Variants in DCC observed in about 807,000 individuals in gnomAD.
The protein encoded by DCC is netrin receptor DCC.
Under a neutral mutation model 172.5 loss-of-function variants are expected in DCC, and 58 were observed. The observed-to-expected ratio is 0.34, with a 90% CI of 0.27 to 0.42. The LOEUF (loss-of-function observed/expected upper bound fraction) is 0.42. Among genes scored for constraint, DCC ranks in the 10% least tolerant of loss-of-function variants. DCC has a pLI of 1.00. For synonymous variants in DCC, 709 were observed against 644.5 expected, an observed-to-expected ratio of 1.10 and a Z score of -1.52; for missense variants, 1,740 against 1,791.0, an observed-to-expected ratio of 0.97 and a Z score of 0.51.
At chr18:53,171,371 G>A (rs2055011006) in intron 8 of DCC, among the ~76,000 whole-genome samples, 1 of 152,150 alleles carries the variant, frequency 6.6e-6, no homozygotes, top group Non-Finnish European at 1.5e-5. Flanking sequence ...AGTTGTCTTG[G>A]AGGTGTATTT....
chr18:53,499,343 C>T lies in DCC; in HGVS notation c.3944C>T (p.Pro1315Leu), dbSNP rs551710856. The T allele has an allele frequency of 2.5e-6, 4 of 1,614,094 alleles. No individual in the cohort carries two copies. Among genetic ancestry groups the T allele is most frequent in the Non-Finnish European group, 8.5e-7 (1 of 1,180,012 alleles). The change falls in exon 27 of 29, where the codon CCA (proline) becomes CTA (leucine). Residue 1315 changes from proline (P) to leucine (L), a missense_variant. Pro to Leu is a moderately conservative substitution (Grantham distance 98). Transcript: ENST00000442544. ...ACCCAACAACCACCTATGCTGCCCC[C>T]ATCTCAGCCTGAGCATTCTAGCAGC... is the stretch of plus-strand genomic sequence containing the variant. ...PTTQQPPMLP[P>L]SQPEHSSSEE...
rs1412983616 is a variant in DCC, at chr18:53,035,115, G to A, written c.986-28190G>A. 1.6e-4 allele frequency among the ~76,000 whole-genome samples: 25 copies of A among 151,870 alleles called. 1 individual carries two copies. The highest frequency in any genetic ancestry group is 7.4e-5 in the Non-Finnish European group (5 of 67,954). On this transcript the variant is annotated intron_variant, in intron 5 of 28. Coordinates refer to ENST00000442544, the MANE Select transcript of DCC (RefSeq NM_005215.4). ...TTGATACATGCATGTAATATGTAAT[G>A]ATCAAGTCAGGGTAATTGGGATATC...
intron 25 of DCC, among the ~76,000 whole-genome samples, chr18:53,478,769 G>A (rs2045797995): frequency 6.6e-6 from 1 of 152,194 alleles, no homozygotes; most frequent in Non-Finnish European, 1.5e-5. Context: ...AACACAAACA[G>A]TGACTTGGAG....
intron 12 of DCC, chr18:53,237,246 T>C (rs375601025): frequency 2.0e-4 from 31 of 154,226 alleles, no homozygotes; most frequent in Middle Eastern, 1.1e-3. Flanking sequence ...AGAAGAACAT[T>C]ATGCTAAATA....
At chr18:53,446,115 CA>C (rs1234340577) in intron 22 of DCC, among the ~76,000 whole-genome samples, 3 of 109,918 alleles carry the variant, frequency 2.7e-5, no homozygotes, top group African/African-American at 3.7e-5. Context: ...AAAAAAAAAA[CA>C]AAAAAAAACA....
At chr18:52,811,053 A>C (rs1442177283) in intron 2 of DCC, among the ~76,000 whole-genome samples, 3 of 152,194 alleles carry the variant, frequency 2.0e-5, no homozygotes, top group African/African-American at 7.2e-5. Context: ...ATCGTTGATG[A>C]ATTTTTAAAA....
At chr18:52,608,883 C>G (rs2034191647) in intron 1 of DCC, among the ~76,000 whole-genome samples, 1 of 152,138 alleles carries the variant, frequency 6.6e-6, no homozygotes, top group African/African-American at 2.4e-5. Context: ...ATGTGCACAA[C>G]TCACATAATT....
At chr18:52,450,056 A>T (rs532871238) in intron 1 of DCC, among the ~76,000 whole-genome samples, 1 of 152,344 alleles carries the variant, frequency 6.6e-6, no homozygotes, top group East Asian at 1.9e-4. Context: ...TACAATTGGG[A>T]AAAGAAACTA....
Position 52,700,325 on chromosome 18 carries a change from C to T in DCC, c.92-51729C>T, listed in dbSNP as rs182076638. On this transcript the variant is annotated intron_variant, in intron 1 of 28. Transcript: ENST00000442544. ...ACACACATGCACACATGCACACTCA[C>T]GGAATGCACACCCATGCACACTCAC... Among the ~76,000 whole-genome samples, 18 of 148,562 alleles carry T rather than the reference C, an allele frequency of 1.2e-4. No individual in the cohort carries two copies. In the East Asian group the frequency reaches 2.2e-3, roughly 18 times the overall value.
chr18:53,089,066 G>T (rs1271127189), intron 7 of DCC, among the ~76,000 whole-genome samples: 3 of 152,092 alleles, frequency 2.0e-5, no homozygotes, highest in Admixed American at 2.0e-4. Flanking sequence ...TGCAATGATT[G>T]TACTCACTTT....
intron 2 of DCC, among the ~76,000 whole-genome samples, chr18:52,897,255 A>G: frequency 6.6e-6 from 1 of 152,178 alleles, no homozygotes; most frequent in African/African-American, 2.4e-5. Context: ...ATTCTGAGAA[A>G]GACTTAGTTG....
At chr18:52,413,687 C>A (rs1422655752) in intron 1 of DCC, among the ~76,000 whole-genome samples, 1 of 151,954 alleles carries the variant, frequency 6.6e-6, no homozygotes, top group Non-Finnish European at 1.5e-5. Context: ...GGTTTTTAAT[C>A]CTTTTCAAAG....
intron 5 of DCC, among the ~76,000 whole-genome samples, chr18:52,983,631 A>G (rs1460608851): frequency 6.6e-6 from 1 of 152,158 alleles, no homozygotes; most frequent in Non-Finnish European, 1.5e-5. Context: ...ACTAAGACGT[A>G]ACTAGAGAAG....
chr18:53,067,119 G>A (rs1463424876), intron 7 of DCC, among the ~76,000 whole-genome samples: 1 of 152,126 alleles, frequency 6.6e-6, no homozygotes, highest in South Asian at 2.1e-4. Context: ...CACAGATTCA[G>A]ACCATATCAA....
intron 7 of DCC, among the ~76,000 whole-genome samples, chr18:53,145,537 C>T (rs1257337783): frequency 7.2e-6 from 1 of 139,142 alleles, no homozygotes; most frequent in Admixed American, 6.8e-5. Context: ...CAGACATCGA[C>T]TCTGATGGTT....
At chr18:53,520,623 T>G (rs1480358352) in intron 27 of DCC, among the ~76,000 whole-genome samples, 1 of 151,978 alleles carries the variant, frequency 6.6e-6, no homozygotes, top group African/African-American at 2.4e-5. Context: ...GGACCCAGAT[T>G]TCACCAGTGC....
At chr18:52,748,166 G>C (rs567934260) in intron 1 of DCC, among the ~76,000 whole-genome samples, 1 of 152,204 alleles carries the variant, frequency 6.6e-6, no homozygotes, top group Non-Finnish European at 1.5e-5. Context: ...CTGCAGTGCG[G>C]CAGGCAGCTT....
chr18:53,287,847 A>G (rs2056953886), intron 12 of DCC, among the ~76,000 whole-genome samples: 1 of 152,192 alleles, frequency 6.6e-6, no homozygotes, highest in African/African-American at 2.4e-5. Context: ...TGATAACAAA[A>G]GAGACTATTA....
At chr18:52,467,702 A>G (rs1358901672) in intron 1 of DCC, among the ~76,000 whole-genome samples, 1 of 152,254 alleles carries the variant, frequency 6.6e-6, no homozygotes. Flanking sequence ...CATCCTCTCC[A>G]GCATCTGTTG....
Sources: gnomAD v4.1 joint callset for allele counts (sites outside exome capture counted in the v4.1 genomes callset) on GRCh38, gnomAD v4.1.1 for gene constraint, MANE v1.5 for transcripts, NCBI Gene and HGNC (gene_info 2026-07-23, HGNC 2026-07-21) for gene names.